The following CLSTN1 variants were observed in gnomAD, a reference collection of about 807,000 sequenced individuals.
CLSTN1 encodes calsyntenin 1, also known as calsyntenin-1.
CLSTN1 carries 28 observed loss-of-function variants against 108.3 expected under a neutral mutation model. The observed-to-expected ratio is 0.26, with a 90% CI of 0.19 to 0.35. The LOEUF (loss-of-function observed/expected upper bound fraction) is 0.35. CLSTN1 is among the 10% of genes least tolerant of loss of function. The probability of loss-of-function intolerance (pLI) is 1.00; values close to 1 mark genes in which losing one functional copy is unlikely to be tolerated. For missense variants in CLSTN1, 1,157 were observed against 1,302.6 expected, an observed-to-expected ratio of 0.89 and a Z score of 1.72; for synonymous variants, 524 against 534.9, an observed-to-expected ratio of 0.98 and a Z score of 0.28.
chr1:9,803,690 C>T (rs986507056), intron 1 of CLSTN1, among the ~76,000 whole-genome samples: 12 of 152,018 alleles, frequency 7.9e-5, no homozygotes, highest in Non-Finnish European at 1.8e-4. Context: ...GTAATCCCAG[C>T]TACTTGGGAG....
At chr1:9,791,056 CG>C (rs1342548286) in intron 1 of CLSTN1, among the ~76,000 whole-genome samples, 5 of 148,780 alleles carry the variant, frequency 3.4e-5, no homozygotes, top group Non-Finnish European at 7.4e-5. Context: ...GGCGTGAACC[CG>C]GGAGGCGGGA....
rs1292440720 is a variant in CLSTN1 at position 9,734,807 on chromosome 1, C to A, written c.2110+141G>T. 5.8e-6 allele frequency: 4 copies of A among 685,532 alleles called. No homozygotes were observed. The highest frequency in any genetic ancestry group is 1.8e-5 in the African/African-American group (1 of 55,482). 42.5% of individuals were successfully genotyped at this position (685,532 alleles called of 1,614,324 possible). ...TGAGCTCCAGCTCACGGGTCAGATT[C>A]CAGAAGCACACCCGAGAGAACACCA... is the stretch of plus-strand genomic sequence containing the variant. On this transcript the variant is annotated intron_variant, in intron 14 of 18. Transcript: ENST00000377298. This position sits in a 1 kb window ranked among gnomAD's most constrained non-coding sequence, Gnocchi z 4.8.
chr1:9,747,774 G>A lies in CLSTN1; in HGVS notation c.985+1687C>T, dbSNP rs370712341. On this transcript the variant is annotated intron_variant, in intron 7 of 18. Coordinates refer to ENST00000377298, the MANE Select transcript of CLSTN1 (RefSeq NM_001009566.3). ...CAATTATAAACCAGTGGCCGGGCGCGGTGGCTCATGCCTGCAATCAGCACT... is the reference window on the plus strand; with the variant it reads ...CAATTATAAACCAGTGGCCGGGCGCAGTGGCTCATGCCTGCAATCAGCACT... Among the ~76,000 whole-genome samples, 169 of 152,222 alleles carry A rather than the reference G, an allele frequency of 1.1e-3. 1 individual carries two copies. In the Middle Eastern group the frequency reaches 0.014, roughly 12 times the overall value.
At chr1:9,807,913 C>A (rs935301079) in intron 1 of CLSTN1, among the ~76,000 whole-genome samples, 4 of 152,246 alleles carry the variant, frequency 2.6e-5, no homozygotes, top group Non-Finnish European at 5.9e-5. Context: ...CTTCACAACC[C>A]TTCTCTGGTA....
At chr1:9,813,595 T>C (rs1302089025) in intron 1 of CLSTN1, among the ~76,000 whole-genome samples, 1 of 152,176 alleles carries the variant, frequency 6.6e-6, no homozygotes, top group South Asian at 2.1e-4. Flanking sequence ...CCTTGGATTA[T>C]GTAGCTAGTC....
intron 1 of CLSTN1, among the ~76,000 whole-genome samples, chr1:9,798,601 C>A (rs983583380): frequency 4.6e-5 from 7 of 152,120 alleles, no homozygotes; most frequent in Admixed American, 3.9e-4. Context: ...AAGGGAGTAG[C>A]AAATGCCTGT....
At chr1:9,758,579 A>T (rs1389335367) in intron 2 of CLSTN1, among the ~76,000 whole-genome samples, 2 of 150,618 alleles carry the variant, frequency 1.3e-5, no homozygotes, top group African/African-American at 4.9e-5. Flanking sequence ...CTCCCAAAGT[A>T]CTGGGATTAC....
intron 1 of CLSTN1, among the ~76,000 whole-genome samples, chr1:9,779,023 CAAAAAA>C (rs70998309): frequency 9.8e-6 from 1 of 102,170 alleles, no homozygotes; most frequent in African/African-American, 3.7e-5. Context: ...GACTTCGTCT[CAAAAAA>C]AAAAAAAAAG....
At chr1:9,801,182 T>C (rs891737902) in intron 1 of CLSTN1, among the ~76,000 whole-genome samples, 6 of 151,374 alleles carry the variant, frequency 4.0e-5, no homozygotes, top group East Asian at 1.9e-4. Flanking sequence ...GCGGCGGAGG[T>C]TGCAGTAAGC....
chr1:9,747,031 G>T (rs1651300458), intron 7 of CLSTN1, among the ~76,000 whole-genome samples: 1 of 150,676 alleles, frequency 6.6e-6, no homozygotes, highest in Admixed American at 6.6e-5. Flanking sequence ...CATACAAAAA[G>T]TAGCCAGGCA....
At chr1:9,818,421 C>G (rs886330759) in intron 1 of CLSTN1, among the ~76,000 whole-genome samples, 2 of 151,218 alleles carry the variant, frequency 1.3e-5, no homozygotes, top group African/African-American at 4.9e-5. Flanking sequence ...CTCCGCCTCC[C>G]GAGTTCAAGC....
At position 9,802,864 on chromosome 1, in the gene CLSTN1, G is replaced by A. The variant is rs570156186; in HGVS notation, c.91+20779C>T. On this transcript the variant is annotated intron_variant, in intron 1 of 18. Coordinates refer to ENST00000377298, the MANE Select transcript of CLSTN1 (RefSeq NM_001009566.3). ...TTTTGAGACAGAGTCTCACTTTGTC[G>A]CCCAGGCTGGAGTGCAGTGACACAA... is the stretch of plus-strand genomic sequence containing the variant. Among the ~76,000 whole-genome samples, 5 of 135,536 alleles carry A rather than the reference G, an allele frequency of 3.7e-5. No individual in the cohort carries two copies. In the East Asian group the frequency reaches 8.5e-4, roughly 23 times the overall value. 88.9% of individuals were successfully genotyped at this position (135,536 alleles called of 152,430 possible). A position where few individuals can be genotyped will look rare whatever the true frequency, so the allele number is the denominator to read the frequency against.
chr1:9,787,877 G>T (rs941294892), intron 1 of CLSTN1, among the ~76,000 whole-genome samples: 2 of 151,200 alleles, frequency 1.3e-5, no homozygotes, highest in Non-Finnish European at 2.9e-5. Context: ...CTGAAACTCT[G>T]CACCCACTAA....
chr1:9,796,768 T>G (rs12083800), intron 1 of CLSTN1, among the ~76,000 whole-genome samples: 7,123 of 152,280 alleles, frequency 0.047, 533 homozygotes, highest in African/African-American at 0.16. Flanking sequence ...AATAAACCCA[T>G]GGAAACCTGC....
chr1:9,730,725 GC>G lies in CLSTN1; in HGVS notation c.2749-21del. On this transcript the variant is annotated intron_variant, in intron 18 of 18. Coordinates refer to ENST00000377298, the MANE Select transcript of CLSTN1 (RefSeq NM_001009566.3). The surrounding 1 kb of genome is among the most constrained non-coding windows in gnomAD (Gnocchi z 5.6). The stretch of plus-strand genomic sequence containing the variant: ...ATAGGTCTGGCAAGGAGAAGTGACG[GC>G]CACATGAGTCCGGCCCTGCCCACAG... The G allele has an allele frequency of 5.1e-6, 8 of 1,577,502 alleles. No homozygotes were observed. The highest frequency in any genetic ancestry group is 1.8e-5 in the Admixed American group (1 of 54,962).
chr1:9,740,106 G>A (rs563076896), intron 10 of CLSTN1, among the ~76,000 whole-genome samples: 4 of 151,580 alleles, frequency 2.6e-5, no homozygotes, highest in African/African-American at 4.8e-5. Context: ...GTGAGCCACC[G>A]CGCCCGGCCA....
chr1:9,735,737 A>C lies in CLSTN1; in HGVS notation c.1735-122T>G, dbSNP rs1650651859. On this transcript the variant is annotated intron_variant, in intron 12 of 18. Transcript: ENST00000377298. ...GATTTGAATTGCTGACTTGAAAAAGAAAAGCTCGTTTAAGTCCAGTGAACA... is the reference window on the plus strand; with the variant it reads ...GATTTGAATTGCTGACTTGAAAAAGCAAAGCTCGTTTAAGTCCAGTGAACA... 2.7e-6 allele frequency: 4 copies of C among 1,508,970 alleles called. No individual in the cohort carries two copies. In the Admixed American group the frequency reaches 6.0e-5, roughly 22 times the overall value. 93.5% of individuals were successfully genotyped at this position (1,508,970 alleles called of 1,614,324 possible).
chr1:9,802,823 A>ATT (rs34247091), intron 1 of CLSTN1, among the ~76,000 whole-genome samples: 7,532 of 130,474 alleles, frequency 0.058, 324 homozygotes, highest in Middle Eastern at 0.07. Flanking sequence ...ATTTTCTTAG[A>ATT]TTTTTTTTTT....
intron 2 of CLSTN1, among the ~76,000 whole-genome samples, chr1:9,769,387 T>G (rs1652555952): frequency 6.6e-6 from 1 of 152,000 alleles, no homozygotes; most frequent in Non-Finnish European, 1.5e-5. Context: ...TAGAAGCAAC[T>G]CAAATGTCCA....
Sources: gnomAD v4.1 joint callset for allele counts (sites outside exome capture counted in the v4.1 genomes callset) on GRCh38, gnomAD v4.1.1 for gene constraint, Gnocchi (gnomAD v3.1) non-coding constraint, MANE v1.5 for transcripts, NCBI Gene and HGNC (gene_info 2026-07-23, HGNC 2026-07-21) for gene names.